The following TRAF7 variants were observed in gnomAD, a reference collection of about 807,000 sequenced individuals.
The protein encoded by TRAF7 is TNF receptor associated factor 7, also known as E3 ubiquitin-protein ligase TRAF7.
In TRAF7, 45 loss-of-function variants were observed where a neutral mutation model predicts 89.3. The ratio of observed to expected loss-of-function variants is 0.50; its 90% CI spans 0.40 to 0.65. The LOEUF (loss-of-function observed/expected upper bound fraction) is 0.65, where lower values mean the gene tolerates loss of function less well. Among genes scored for constraint, TRAF7 ranks in the 30% least tolerant of loss-of-function variants. The pLI is 0.00. For missense variants in TRAF7, 677 were observed against 918.1 expected (o/e 0.74, Z 3.39); for synonymous variants, 406 against 369.2 (o/e 1.10, Z -1.14).
chr16:2,171,368 G>A lies in TRAF7; in HGVS notation c.441+12G>A, dbSNP rs201379189. The A allele has an allele frequency of 1.2e-5, 19 of 1,545,384 alleles. No individual in the cohort carries two copies. The highest frequency in any genetic ancestry group is 1.7e-4 in the Middle Eastern group (1 of 5,980). On this transcript the variant is annotated intron_variant, in intron 6 of 20. Coordinates refer to ENST00000326181, the MANE Select transcript of TRAF7 (RefSeq NM_032271.3). ...TCACCACGTGTGGGGTGAGCCCGCC[G>A]CCCTTCCCAGCCCCCCTGCTGCCAG...
At chr16:2,171,551 G>A in intron 6 of TRAF7, 21 bp from the exon 7 acceptor site, 8 of 1,613,224 alleles carry the variant, frequency 5.0e-6, no homozygotes, top group Non-Finnish European at 6.8e-6. Context: ...CCACCCTCAA[G>A]CCCGCCCTTT....
chr16:2,160,084 C>T (rs1197686714), intron 1 of TRAF7, among the ~76,000 whole-genome samples: 5 of 152,292 alleles, frequency 3.3e-5, no homozygotes, highest in Middle Eastern at 3.4e-3. Flanking sequence ...GTGGAGGCAG[C>T]GAGGCGCTGA....
rs752510094 is a variant in TRAF7, at chr16:2,175,102, C to CT, written c.1347-7dup. On this transcript the variant is annotated splice_polypyrimidine_tract_variant and intron_variant, in intron 14 of 20. Coordinates refer to ENST00000326181, the MANE Select transcript of TRAF7 (RefSeq NM_032271.3). ...CTCCCACCTTGACACATTGTCTCTG[C>CT]TTCCCCAGGTGCAAACTCTACAGCG... 1 of 1,613,764 alleles carries CT rather than the reference C, an allele frequency of 6.2e-7. No individual in the cohort carries two copies. The highest frequency in any genetic ancestry group is 1.3e-5 in the African/African-American group (1 of 74,950).
chr16:2,175,999 TCC>T, intron 18 of TRAF7, 46 bp downstream of exon 18: 2 of 1,610,644 alleles, frequency 1.2e-6, no homozygotes, highest in Non-Finnish European at 1.7e-6. Context: ...TGGCCCCGTC[TCC>T]CCCGCCTTGC....
chr16:2,172,284 A>G lies in TRAF7; in HGVS notation c.569A>G (p.His190Arg). 2 of 1,612,882 alleles carry G rather than the reference A, an allele frequency of 1.2e-6. No individual in the cohort carries two copies. Among genetic ancestry groups the G allele is most frequent in the Non-Finnish European group, 1.7e-6 (2 of 1,179,980 alleles). ...QIGELFIHCR[H>R]GCRVAGSGKP... The stretch of plus-strand genomic sequence containing the variant: ...GGGGAGCTCTTCATCCACTGCCGGC[A>G]CGGCTGCCGGGTAGCGGGCAGCGGG... The change falls in exon 8 of 21, where the codon CAC becomes CGC. Residue 190 changes from histidine to arginine, a missense_variant. Around this residue, in one of 6 missense-constraint regions of TRAF7, gnomAD observed 238 missense variants for 352.6 expected, o/e 0.67. Coordinates refer to ENST00000326181, the MANE Select transcript of TRAF7 (RefSeq NM_032271.3).
Position 2,176,896 on chromosome 16 carries a change from AT to A in TRAF7, c.*325del, listed in dbSNP as rs2141300716. 1 of 521,326 alleles carries A rather than the reference AT, an allele frequency of 1.9e-6. No individual in the cohort carries two copies. Among genetic ancestry groups the A allele is most frequent in the East Asian group, 3.3e-5 (1 of 30,284 alleles). The allele number at this position is 521,326 out of a possible 1,614,324, so 32.3% of individuals were successfully genotyped here. A position where few individuals can be genotyped will look rare whatever the true frequency, so the allele number is the denominator to read the frequency against. On this transcript the variant is annotated 3_prime_UTR_variant, in exon 21 of 21. Coordinates refer to ENST00000326181, the MANE Select transcript of TRAF7 (RefSeq NM_032271.3). The stretch of plus-strand genomic sequence containing the variant: ...TCTACCGTTTTTAGACTGTATGTAG[AT>A]TTGGTTACCTCCTGGTTGAAATAAA...
Position 2,165,864 on chromosome 16 carries a change from C to G in TRAF7, c.82-15C>G, listed in dbSNP as rs200508111. ...GTCCCGGAATGAGGCCAGGTCTCCT[C>G]CGTCCTCCCTCTAGACCAGAATGGA... On this transcript the variant is annotated splice_polypyrimidine_tract_variant and intron_variant, in intron 2 of 20. Transcript: ENST00000326181. 1.2e-6 allele frequency: 2 copies of G among 1,614,072 alleles called. No homozygotes were observed. Among genetic ancestry groups the G allele is most frequent in the South Asian group, 2.2e-5 (2 of 91,086 alleles).
Position 2,168,247 on chromosome 16 carries a change from G to A in TRAF7, c.231+79G>A. On this transcript the variant is annotated intron_variant, in intron 4 of 20. Transcript: ENST00000326181. The surrounding 1 kb of genome is among the most constrained non-coding windows in gnomAD (Gnocchi z 4.1). ...CTCCTGGGGGAACCAGGTCCCAGGA[G>A]GAGTTGACAGTGAGCTGGTGAGGCA... 1 of 1,263,936 alleles carries A rather than the reference G, an allele frequency of 7.9e-7. No individual in the cohort carries two copies. The highest frequency in any genetic ancestry group is 1.3e-5 in the South Asian group (1 of 75,964). The allele number at this position is 1,263,936 out of a possible 1,614,324, so 78.3% of individuals were successfully genotyped here.
At chr16:2,164,444 G>A (rs1295324115) in intron 2 of TRAF7, among the ~76,000 whole-genome samples, 2 of 142,068 alleles carry the variant, frequency 1.4e-5, no homozygotes, top group African/African-American at 5.3e-5. Flanking sequence ...TGGTCGCATG[G>A]TTAAGCGTGT....
rs2093058276 is a variant in TRAF7 at position 2,161,483 on chromosome 16, A to AG, written c.-38-2396dup. On this transcript the variant is annotated intron_variant, in intron 1 of 20. Transcript: ENST00000326181. The surrounding 1 kb of genome is among the most constrained non-coding windows in gnomAD (Gnocchi z 5.2). ...CACTGAGGCCAGCCCGACCCATCCCAGGGGAGTGCCTGCTGGGGTCCTGGC... is the reference window on the plus strand; with the variant it reads ...CACTGAGGCCAGCCCGACCCATCCCAGGGGGAGTGCCTGCTGGGGTCCTGGC... Among the ~76,000 whole-genome samples, 1 of 152,106 alleles carries AG rather than the reference A, an allele frequency of 6.6e-6. No individual in the cohort carries two copies. The highest frequency in any genetic ancestry group is 1.5e-5 in the Non-Finnish European group (1 of 68,020).
rs1230153484 is a variant in TRAF7, at chr16:2,162,417, G to C, written c.-38-1466G>C. 1.3e-5 allele frequency among the ~76,000 whole-genome samples: 2 copies of C among 152,250 alleles called. No individual in the cohort carries two copies. The highest frequency in any genetic ancestry group is 3.9e-4 in the East Asian group (2 of 5,186). Reference sequence around the variant, plus strand: ...GTGGCATCTTGAAGGCGCATGCAGGGCGGGCATGGCCAAAGGGACCCAGTC... The same window carrying C: ...GTGGCATCTTGAAGGCGCATGCAGGCCGGGCATGGCCAAAGGGACCCAGTC... On this transcript the variant is annotated intron_variant, in intron 1 of 20. Transcript: ENST00000326181. The surrounding 1 kb of genome is among the most constrained non-coding windows in gnomAD (Gnocchi z 5.0).
rs1278131120 is a variant in TRAF7 at position 2,161,091 on chromosome 16, G to A, written c.-38-2792G>A. On this transcript the variant is annotated intron_variant, in intron 1 of 20. Coordinates refer to ENST00000326181, the MANE Select transcript of TRAF7 (RefSeq NM_032271.3). The surrounding 1 kb of genome is among the most constrained non-coding windows in gnomAD (Gnocchi z 5.2). ...CCCTGGCCTCCAGCCCCAGGGTCCC[G>A]CCCGCCTCCATGTCCCTGGCTGGGG... 2.6e-5 allele frequency among the ~76,000 whole-genome samples: 4 copies of A among 152,160 alleles called. No homozygotes were observed. Among genetic ancestry groups the A allele is most frequent in the Middle Eastern group, 3.4e-3 (1 of 294 alleles).
In TRAF7 at chr16:2,161,325, C is replaced by T. The variant is rs1320573825; in HGVS notation, c.-38-2558C>T. Among the ~76,000 whole-genome samples, 11 of 151,910 alleles carry T rather than the reference C, an allele frequency of 7.2e-5. No homozygotes were observed. The highest frequency in any genetic ancestry group is 6.6e-5 in the Admixed American group (1 of 15,250). ...CCCACAGATCCTGTGGTGTTGTCCC[C>T]GTGGCCCGGCTGCTGTTGGCCAGCT... On this transcript the variant is annotated intron_variant, in intron 1 of 20. Transcript: ENST00000326181. This position sits in a 1 kb window ranked among gnomAD's most constrained non-coding sequence, Gnocchi z 5.2.
chr16:2,162,098 T>A lies in TRAF7; in HGVS notation c.-38-1785T>A, dbSNP rs1156271874. ...CTCCCGAGACCATGGGACGCAAAGA[T>A]CAGGTGGGGCCAGGTAGCTCGTGGC... is the stretch of plus-strand genomic sequence containing the variant. On this transcript the variant is annotated intron_variant, in intron 1 of 20. Transcript: ENST00000326181. This position sits in a 1 kb window ranked among gnomAD's most constrained non-coding sequence, Gnocchi z 5.0. Among the ~76,000 whole-genome samples, 16 of 152,030 alleles carry A rather than the reference T, an allele frequency of 1.1e-4. No individual in the cohort carries two copies. Among genetic ancestry groups the A allele is most frequent in the Non-Finnish European group, 1.5e-5 (1 of 67,992 alleles).
In TRAF7 at chr16:2,158,642, A is replaced by G. The variant is rs749060715; in HGVS notation, c.-39+2784A>G. Among the ~76,000 whole-genome samples the G allele has an allele frequency of 3.3e-5, 5 of 151,986 alleles. No individual in the cohort carries two copies. The highest frequency in any genetic ancestry group is 5.9e-5 in the Non-Finnish European group (4 of 68,006). On this transcript the variant is annotated intron_variant, in intron 1 of 20. Coordinates refer to ENST00000326181, the MANE Select transcript of TRAF7 (RefSeq NM_032271.3). This position sits in a 1 kb window ranked among gnomAD's most constrained non-coding sequence, Gnocchi z 4.7. ...ACATTCCTGTTGCCTCTTCGGGCCC[A>G]TGTATGGCCAGTGTTTATGTCAGCT...
intron 17 of TRAF7, 50 bp from the exon 18 acceptor site, chr16:2,175,784 T>C (rs761493070): frequency 6.2e-7 from 1 of 1,606,678 alleles, no homozygotes; most frequent in East Asian, 2.2e-5. Flanking sequence ...GCGGGGGCCC[T>C]GGGGGTGAAG....
At chr16:2,167,330 C>T (rs2093090735) in intron 3 of TRAF7, among the ~76,000 whole-genome samples, 1 of 139,704 alleles carries the variant, frequency 7.2e-6, no homozygotes, top group Non-Finnish European at 1.6e-5. Flanking sequence ...CTCTCGAGGC[C>T]TCAATCTCGA....
chr16:2,173,868 C>CCCCCCCCCCCCCCCCCCCCCCGTCG, intron 12 of TRAF7, 32 bp downstream of exon 12: 1 of 1,601,744 alleles, frequency 6.2e-7, no homozygotes. Context: ...CTCCCGCCCA[C>CCCCCCCCCCCCCCCCCCCCCCGTCG]CCTCCCCCCC....
In TRAF7 at chr16:2,162,024, T is replaced by A. The variant is rs903553379; in HGVS notation, c.-38-1859T>A. Reference sequence around the variant, plus strand: ...GTCACACAGGGCCAAGCCCCTCGAGTCGCAGTGGGGCCTGGGGAAGGCCGA... The same window carrying A: ...GTCACACAGGGCCAAGCCCCTCGAGACGCAGTGGGGCCTGGGGAAGGCCGA... On this transcript the variant is annotated intron_variant, in intron 1 of 20. Coordinates refer to ENST00000326181, the MANE Select transcript of TRAF7 (RefSeq NM_032271.3). The surrounding 1 kb of genome is among the most constrained non-coding windows in gnomAD (Gnocchi z 5.0). Among the ~76,000 whole-genome samples, 89 of 150,576 alleles carry A rather than the reference T, an allele frequency of 5.9e-4. No homozygotes were observed. Among genetic ancestry groups the A allele is most frequent in the African/African-American group, 2.2e-3 (88 of 40,814 alleles).
Sources: gnomAD v4.1 joint callset for allele counts (sites outside exome capture counted in the v4.1 genomes callset) on GRCh38, gnomAD v4.1.1 for gene constraint, gnomAD v4.1.1 regional missense constraint, Gnocchi (gnomAD v3.1) non-coding constraint, MANE v1.5 for transcripts, NCBI Gene and HGNC (gene_info 2026-07-23, HGNC 2026-07-21) for gene names.